KCNMB2: variants seen among roughly 807,000 people sequenced by gnomAD.
KCNMB2 encodes the protein calcium-activated potassium channel subunit beta-2.
KCNMB2 carries 9 observed loss-of-function variants against 24.5 expected under a neutral mutation model. The observed-to-expected ratio is 0.37, with a 90% CI of 0.22 to 0.64. KCNMB2 has a LOEUF of 0.64. KCNMB2 is among the 30% of genes least tolerant of loss of function. The pLI is 0.63. For missense variants in KCNMB2, 226 were observed against 284.3 expected, an observed-to-expected ratio of 0.79 and a Z score of 1.47; for synonymous variants, 109 against 104.4, an observed-to-expected ratio of 1.04 and a Z score of -0.27.
chr3:178,578,611 A>G (rs1717082208), intron 1 of KCNMB2, among the ~76,000 whole-genome samples: 1 of 152,216 alleles, frequency 6.6e-6, no homozygotes, highest in African/African-American at 2.4e-5. Context: ...AAGACCCATC[A>G]GTCTGCTGTA....
intron 1 of KCNMB2, among the ~76,000 whole-genome samples, chr3:178,583,248 G>A (rs1165083393): frequency 1.3e-5 from 2 of 152,102 alleles, no homozygotes; most frequent in African/African-American, 2.4e-5. Context: ...TATACTTATA[G>A]GATATTTGGC....
intron 1 of KCNMB2, among the ~76,000 whole-genome samples, chr3:178,669,298 C>T (rs1416249612): frequency 6.6e-6 from 1 of 151,962 alleles, no homozygotes; most frequent in Non-Finnish European, 1.5e-5. Context: ...TGCATGTTAA[C>T]AGAAGAGGAC....
At chr3:178,603,657 A>G (rs996054782) in intron 1 of KCNMB2, among the ~76,000 whole-genome samples, 2 of 152,140 alleles carry the variant, frequency 1.3e-5, no homozygotes, top group African/African-American at 4.8e-5. Flanking sequence ...CTTCAGGAAC[A>G]TGGGAGAGTT....
intron 1 of KCNMB2, among the ~76,000 whole-genome samples, chr3:178,786,223 G>C (rs1713093105): frequency 6.6e-6 from 1 of 152,138 alleles, no homozygotes; most frequent in African/African-American, 2.4e-5. Flanking sequence ...CAGAGAGGCT[G>C]TGGACAAATT....
At chr3:178,759,294 G>GACAGAT (rs1389918729) in intron 1 of KCNMB2, among the ~76,000 whole-genome samples, 2 of 105,102 alleles carry the variant, frequency 1.9e-5, no homozygotes, top group Non-Finnish European at 3.8e-5. Flanking sequence ...TCCAAGAGGA[G>GACAGAT]ACATATATAT....
chr3:178,774,889 CTCAG>C (rs1712517619), intron 1 of KCNMB2, among the ~76,000 whole-genome samples: 1 of 152,196 alleles, frequency 6.6e-6, no homozygotes, highest in South Asian at 2.1e-4. Context: ...TACCTAGCAT[CTCAG>C]TATTTTCCTT....
intron 1 of KCNMB2, among the ~76,000 whole-genome samples, chr3:178,779,457 G>C (rs1055863979): frequency 1.3e-5 from 2 of 152,158 alleles, no homozygotes; most frequent in Non-Finnish European, 2.9e-5. Context: ...GGGAGAACAT[G>C]ACTGTTTTTC....
intron 1 of KCNMB2, among the ~76,000 whole-genome samples, chr3:178,585,176 G>A (rs570445312): frequency 1.3e-5 from 2 of 152,250 alleles, no homozygotes; most frequent in African/African-American, 2.4e-5. Flanking sequence ...GGCAAATAGC[G>A]ACTCTAGAAA....
At chr3:178,794,042 C>T (rs548016145) in intron 1 of KCNMB2, among the ~76,000 whole-genome samples, 21 of 152,168 alleles carry the variant, frequency 1.4e-4, no homozygotes, top group African/African-American at 4.6e-4. Flanking sequence ...TGGACAGTGC[C>T]GCATGTAACA....
chr3:178,840,015 G>A (rs933050173), intron 4 of KCNMB2, among the ~76,000 whole-genome samples: 3 of 152,116 alleles, frequency 2.0e-5, no homozygotes, highest in South Asian at 4.2e-4. Context: ...AATCCCTTCC[G>A]CCTATAAGCC....
intron 1 of KCNMB2, among the ~76,000 whole-genome samples, chr3:178,640,199 T>A (rs1719673480): frequency 6.6e-6 from 1 of 152,232 alleles, no homozygotes; most frequent in African/African-American, 2.4e-5. Context: ...TCGTCCGTTT[T>A]CACACTGCTG....
chr3:178,594,906 T>C (rs544145190), intron 1 of KCNMB2, among the ~76,000 whole-genome samples: 21 of 152,216 alleles, frequency 1.4e-4, no homozygotes, highest in Non-Finnish European at 2.4e-4. Context: ...TATTCTCTTA[T>C]GAAAAATCTG....
At chr3:178,655,810 T>C (rs920642097) in intron 1 of KCNMB2, among the ~76,000 whole-genome samples, 1 of 152,238 alleles carries the variant, frequency 6.6e-6, no homozygotes, top group Non-Finnish European at 1.5e-5. Context: ...GCCTGATGCA[T>C]GAAAGTTATT....
chr3:178,587,698 G>A (rs940228091), intron 1 of KCNMB2, among the ~76,000 whole-genome samples: 4 of 149,574 alleles, frequency 2.7e-5, no homozygotes, highest in African/African-American at 5.0e-5. Flanking sequence ...CGCCCACCTC[G>A]GCCTCCCAAA....
chr3:178,786,651 T>C (rs1713110752), intron 1 of KCNMB2, among the ~76,000 whole-genome samples: 1 of 152,136 alleles, frequency 6.6e-6, no homozygotes, highest in African/African-American at 2.4e-5. Context: ...TACGAGTTAA[T>C]GGGTGCAGCA....
chr3:178,561,133 A>G (rs987125587), intron 1 of KCNMB2, among the ~76,000 whole-genome samples: 15 of 152,216 alleles, frequency 9.9e-5, no homozygotes, highest in Non-Finnish European at 1.9e-4. Flanking sequence ...CTAATGATGT[A>G]TCATCTCACT....
At chr3:178,820,484 T>C (rs1411372640) in intron 2 of KCNMB2, 1 of 153,050 alleles carries the variant, frequency 6.5e-6, no homozygotes, top group African/African-American at 2.4e-5. Context: ...TGCCTTAACC[T>C]GAATACTTTT....
At chr3:178,577,730 T>C (rs765533579) in intron 1 of KCNMB2, among the ~76,000 whole-genome samples, 1 of 152,106 alleles carries the variant, frequency 6.6e-6, no homozygotes, top group Non-Finnish European at 1.5e-5. Flanking sequence ...TCATGAAGCA[T>C]ACACAAATAT....
intron 1 of KCNMB2, among the ~76,000 whole-genome samples, chr3:178,763,939 T>C (rs1226472063): frequency 1.3e-5 from 2 of 152,134 alleles, no homozygotes; most frequent in African/African-American, 4.8e-5. Flanking sequence ...GAGTGACATA[T>C]ATCAAACTCA....
Sources: gnomAD v4.1 joint callset for allele counts (sites outside exome capture counted in the v4.1 genomes callset) on GRCh38, gnomAD v4.1.1 for gene constraint, MANE v1.5 for transcripts, NCBI Gene and HGNC (gene_info 2026-07-23, HGNC 2026-07-21) for gene names.